Variants in GABRB2 observed in about 807,000 individuals in gnomAD.
GABRB2 encodes the protein gamma-aminobutyric acid type A receptor subunit beta2, also known as gamma-aminobutyric acid receptor subunit beta-2.
In GABRB2, 16 loss-of-function variants were observed where a neutral mutation model predicts 54.7. That is an observed-to-expected ratio of 0.29 (90% confidence interval 0.20 to 0.44). The LOEUF (loss-of-function observed/expected upper bound fraction) is 0.44, where lower values mean the gene tolerates loss of function less well. Ranked by LOEUF, GABRB2 falls within the 20% of genes least tolerant of loss-of-function variation. The pLI, the probability that GABRB2 is intolerant of heterozygous loss-of-function variation, is 1.00. For missense variants in GABRB2, 355 were observed against 644.0 expected (o/e 0.55, Z 4.86); for synonymous variants, 244 against 233.8 (o/e 1.04, Z -0.40).
At chr5:161,503,485 G>C (rs1044407905) in intron 3 of GABRB2, among the ~76,000 whole-genome samples, 10 of 152,068 alleles carry the variant, frequency 6.6e-5, no homozygotes, top group Non-Finnish European at 1.5e-4. Context: ...GAGGCGGGCA[G>C]ATCACCTGAG....
intron 3 of GABRB2, among the ~76,000 whole-genome samples, chr5:161,471,852 G>A (rs1300779786): frequency 6.6e-6 from 1 of 151,780 alleles, no homozygotes; most frequent in Non-Finnish European, 1.5e-5. Flanking sequence ...ATCTCAAATT[G>A]CTTTAGAGTA....
Position 161,544,278 on chromosome 5 carries a change from GA to G in GABRB2, c.237+948del, listed in dbSNP as rs1169929811. Among the ~76,000 whole-genome samples the G allele has an allele frequency of 2.8e-4, 43 of 152,320 alleles. 1 individual carries two copies. The highest frequency in any genetic ancestry group is 1.5e-5 in the Non-Finnish European group (1 of 68,024). On this transcript the variant is annotated intron_variant, in intron 3 of 9. Transcript: ENST00000393959. ...AAACGTGCTGTGTACTATCAGGACT[GA>G]AAGTAACACTGGAATTCTACATTAA...
intron 3 of GABRB2, among the ~76,000 whole-genome samples, chr5:161,474,732 C>T (rs984399330): frequency 9.9e-5 from 15 of 151,936 alleles, no homozygotes; most frequent in Non-Finnish European, 1.2e-4. Context: ...AATTACATTA[C>T]GTCAGATATA....
chr5:161,438,168 C>A (rs1456383820), intron 4 of GABRB2, among the ~76,000 whole-genome samples: 1 of 152,168 alleles, frequency 6.6e-6, no homozygotes, highest in Non-Finnish European at 1.5e-5. Context: ...GCTTGTATCA[C>A]TCCACCCCCA....
At chr5:161,492,999 A>AT (rs34057309) in intron 3 of GABRB2, among the ~76,000 whole-genome samples, 1 of 151,750 alleles carries the variant, frequency 6.6e-6, no homozygotes, top group South Asian at 2.1e-4. Context: ...GCAAATATAT[A>AT]TTTTTGCACT....
chr5:161,482,509 T>C (rs896625401), intron 3 of GABRB2, among the ~76,000 whole-genome samples: 2 of 152,088 alleles, frequency 1.3e-5, no homozygotes, highest in Admixed American at 1.3e-4. Flanking sequence ...ATACTGTAGC[T>C]CCCTTCTTTA....
intron 5 of GABRB2, among the ~76,000 whole-genome samples, chr5:161,369,124 C>A (rs1470491257): frequency 2.0e-5 from 3 of 152,146 alleles, no homozygotes; most frequent in East Asian, 1.9e-4. Flanking sequence ...TCTTTGAATT[C>A]TTTAGATCTT....
In GABRB2 at chr5:161,410,390, T is replaced by TCACA. The variant is rs908008452; in HGVS notation, c.541+581_541+584dup. On this transcript the variant is annotated intron_variant, in intron 5 of 9. Coordinates refer to ENST00000393959, the MANE Select transcript of GABRB2 (RefSeq NM_001371727.1). The stretch of plus-strand genomic sequence containing the variant: ...CAAGTCAGCACAGTAAACAGAATTC[T>TCACA]CACACACACACACACACACACACAC... Among the ~76,000 whole-genome samples, 85 of 59,860 alleles carry TCACA rather than the reference T, an allele frequency of 1.4e-3. No homozygotes were observed. The South Asian group carries it at 0.032, about 23-fold the overall frequency. The allele number at this position is 59,860 out of a possible 152,430, so 39.3% of individuals were successfully genotyped here.
At position 161,398,689 on chromosome 5, in the gene GABRB2, TTTTTG is replaced by T. The variant is rs1436739116; in HGVS notation, c.541+12281_541+12285del. On this transcript the variant is annotated intron_variant, in intron 5 of 9. Transcript: ENST00000393959. Reference sequence around the variant, plus strand: ...TTGTCTGTTTTTTTTGTTGTTGTTGTTTTTGTTTTGTTTTGTTTTGAGACAGAGTC... The same window carrying T: ...TTGTCTGTTTTTTTTGTTGTTGTTGTTTTTGTTTTGTTTTGAGACAGAGTC... Among the ~76,000 whole-genome samples the T allele has an allele frequency of 2.0e-5, 3 of 151,870 alleles. 1 individual carries two copies. The Middle Eastern group carries it at 0.01, about 517-fold the overall frequency.
At chr5:161,325,391 CA>C (rs1758332893) in intron 9 of GABRB2, among the ~76,000 whole-genome samples, 1 of 152,010 alleles carries the variant, frequency 6.6e-6, no homozygotes, top group Non-Finnish European at 1.5e-5. Flanking sequence ...CTATATAACA[CA>C]AGTAATGAAG....
rs551843177 is a variant in GABRB2, at chr5:161,489,272, G to T, written c.238-29428C>A. Among the ~76,000 whole-genome samples, 8 of 151,670 alleles carry T rather than the reference G, an allele frequency of 5.3e-5. No individual in the cohort carries two copies. In the South Asian group the frequency reaches 1.2e-3, roughly 24 times the overall value. On this transcript the variant is annotated intron_variant, in intron 3 of 9. Transcript: ENST00000393959. The stretch of plus-strand genomic sequence containing the variant: ...AAGATAGAATGACCCTTATATTTAT[G>T]TATACAGCTTTTTCTTAGTAGCCCA...
At chr5:161,520,234 G>A (rs1367818419) in intron 3 of GABRB2, among the ~76,000 whole-genome samples, 1 of 152,062 alleles carries the variant, frequency 6.6e-6, no homozygotes, top group African/African-American at 2.4e-5. Flanking sequence ...TAGGTTAAGC[G>A]CTGTAGCTTA....
At chr5:161,528,949 G>C (rs1259628501) in intron 3 of GABRB2, among the ~76,000 whole-genome samples, 1 of 151,888 alleles carries the variant, frequency 6.6e-6, no homozygotes, top group Non-Finnish European at 1.5e-5. Context: ...AGTATTCTGA[G>C]ATAGGTATGC....
At chr5:161,459,955 A>AT in intron 3 of GABRB2, 111 bp from the exon 4 acceptor site, 3 of 656,114 alleles carry the variant, frequency 4.6e-6, no homozygotes, top group East Asian at 2.9e-5. Flanking sequence ...ATTTATTTTT[A>AT]TTTTTTTGAG....
chr5:161,522,561 C>T (rs573159458), intron 3 of GABRB2, among the ~76,000 whole-genome samples: 12 of 151,662 alleles, frequency 7.9e-5, no homozygotes, highest in African/African-American at 2.4e-4. Flanking sequence ...ACTTTGGTTG[C>T]AAATTTTAAA....
rs74460025 is a variant in GABRB2, at chr5:161,295,354, A to G, written c.1192-926T>C. Among the ~76,000 whole-genome samples the G allele has an allele frequency of 9.3e-3, 1,417 of 152,324 alleles. 58 individuals carry two copies. In the East Asian group the frequency reaches 0.12, roughly 13 times the overall value. Reference sequence around the variant, plus strand: ...TGATTCCCAAACATTAAATTATTACATAATGTTCTTTCTTGTGTTAAGAAG... The same window carrying G: ...TGATTCCCAAACATTAAATTATTACGTAATGTTCTTTCTTGTGTTAAGAAG... On this transcript the variant is annotated intron_variant, in intron 9 of 9. Coordinates refer to ENST00000393959, the MANE Select transcript of GABRB2 (RefSeq NM_001371727.1).
In GABRB2 at chr5:161,327,216, A is replaced by C. The variant is rs1372121185; in HGVS notation, c.1078-735T>G. ...GTTTAAAGTTTATTTTTAAAATCTT[A>C]GTACTTTACTACTTAACTTGGCACA... On this transcript the variant is annotated intron_variant, in intron 8 of 9. Transcript: ENST00000393959. 7.9e-5 allele frequency among the ~76,000 whole-genome samples: 12 copies of C among 152,294 alleles called. No individual in the cohort carries two copies. The East Asian group carries it at 2.3e-3, about 29-fold the overall frequency.
chr5:161,483,596 T>C (rs1433357704), intron 3 of GABRB2, among the ~76,000 whole-genome samples: 2 of 151,952 alleles, frequency 1.3e-5, no homozygotes, highest in Admixed American at 6.6e-5. Context: ...GTTGTAATCC[T>C]GGATTCAGCA....
chr5:161,374,891 G>C (rs975633912), intron 5 of GABRB2, among the ~76,000 whole-genome samples: 1 of 151,910 alleles, frequency 6.6e-6, no homozygotes, highest in South Asian at 2.1e-4. Flanking sequence ...CTTATATTCA[G>C]CTTATTGCTG....
Sources: gnomAD v4.1 joint callset for allele counts (sites outside exome capture counted in the v4.1 genomes callset) on GRCh38, gnomAD v4.1.1 for gene constraint, MANE v1.5 for transcripts, NCBI Gene and HGNC (gene_info 2026-07-23, HGNC 2026-07-21) for gene names.